The following SPATA20 variants were observed in gnomAD, a reference collection of about 807,000 sequenced individuals.
The protein encoded by SPATA20 is spermatogenesis-associated protein 20.
SPATA20 carries 74 observed loss-of-function variants against 98.9 expected under a neutral mutation model. The observed-to-expected ratio is 0.75, with a 90% CI of 0.62 to 0.91. The LOEUF is 0.91. Ranked by LOEUF, SPATA20 falls within the 40% of genes least tolerant of loss-of-function variation. The pLI, the probability that SPATA20 is intolerant of heterozygous loss-of-function variation, is 0.00. For synonymous variants in SPATA20, 430 were observed against 440.5 expected, an observed-to-expected ratio of 0.98 and a Z score of 0.30; for missense variants, 1,016 against 1,069.8, an observed-to-expected ratio of 0.95 and a Z score of 0.70.
intron 14 of SPATA20, among the ~76,000 whole-genome samples, chr17:50,553,149 C>G: frequency 6.6e-6 from 1 of 152,246 alleles, no homozygotes; most frequent in Non-Finnish European, 1.5e-5. Flanking sequence ...ACCCATGTGC[C>G]TTGTCTGTGG....
chr17:50,548,224 G>T, intron 2 of SPATA20, 59 bp from the exon 3 acceptor site: 1 of 1,583,296 alleles, frequency 6.3e-7, no homozygotes, highest in Non-Finnish European at 8.6e-7. Context: ...AGGTGCTGGG[G>T]GGCCTGGGAG....
rs751070332 is a variant in SPATA20 at position 50,547,827 on chromosome 17, C to T, written c.125+60C>T. ...TTCCTCTGTTTGTCCCTCACCTGGT[C>T]GAGTCCCAGACCCTACTGATCTTGG... On this transcript the variant is annotated intron_variant, in intron 2 of 16. Transcript: ENST00000006658. 3.5e-6 allele frequency: 3 copies of T among 854,864 alleles called. No individual in the cohort carries two copies. In the East Asian group the frequency reaches 7.2e-5, roughly 21 times the overall value. 53.0% of individuals were successfully genotyped at this position (854,864 alleles called of 1,614,324 possible).
Position 50,550,422 on chromosome 17 carries a change from T to C in SPATA20, c.1098+110T>C, listed in dbSNP as rs184909241. 2.9e-4 allele frequency: 391 copies of C among 1,363,746 alleles called. 10 individuals carry two copies. In the East Asian group the frequency reaches 6.0e-3, roughly 21 times the overall value. The allele number at this position is 1,363,746 out of a possible 1,614,324, so 84.5% of individuals were successfully genotyped here. ...AATCTGAATCCCCTGTTCCCTCCCA[T>C]GTACCCACTACCCAGGCTTCCCTCC... On this transcript the variant is annotated intron_variant, in intron 9 of 16. Coordinates refer to ENST00000006658, the MANE Select transcript of SPATA20 (RefSeq NM_022827.4).
At chr17:50,547,353 C>A in intron 1 of SPATA20, 68 bp downstream of exon 1, 2 of 1,303,722 alleles carry the variant, frequency 1.5e-6, no homozygotes, top group Non-Finnish European at 1.0e-6. Context: ...GGAGGGTCTT[C>A]CGGACACCGG....
Position 50,551,551 on chromosome 17 carries a change from G to T in SPATA20, c.1617G>T (p.Leu539=). The change falls in exon 13 of 17, where the codon CTG becomes CTT. Residue 539 remains leucine, a synonymous_variant. Coordinates refer to ENST00000006658, the MANE Select transcript of SPATA20 (RefSeq NM_022827.4). The stretch of plus-strand genomic sequence containing the variant: ...GCTATGCTGTGACTGGGGCTGTCCT[G>T]GGCCAAGACAGGCTGATCAACTATG... The part of the protein sequence containing the change: ...VSGYAVTGAV[L]GQDRLINYAT... The T allele has an allele frequency of 6.2e-7, 1 of 1,604,014 alleles. No individual in the cohort carries two copies. Among genetic ancestry groups the T allele is most frequent in the Non-Finnish European group, 8.5e-7 (1 of 1,171,622 alleles).
chr17:50,555,593 G>T lies in SPATA20; in HGVS notation c.2340G>T (p.Val780=), dbSNP rs1567913021. 1.2e-6 allele frequency: 2 copies of T among 1,614,116 alleles called. No homozygotes were observed. The highest frequency in any genetic ancestry group is 1.7e-6 in the Non-Finnish European group (2 of 1,179,992). ...TGGAAGACCAGGCCACTGCATATGT[G>T]TGTGAGAATCAAGCCTGCTCAGTGC... The part of the protein sequence containing the change: ...RRLEDQATAY[V]CENQACSVPI... The change falls in exon 17 of 17, where the codon GTG becomes GTT. Residue 780 remains valine, a synonymous_variant. Coordinates refer to ENST00000006658, the MANE Select transcript of SPATA20 (RefSeq NM_022827.4).
rs780703307 is a variant in SPATA20 at position 50,549,350 on chromosome 17, G to A, written c.725G>A (p.Arg242Gln). 24 of 1,612,372 alleles carry A rather than the reference G, an allele frequency of 1.5e-5. No homozygotes were observed. Among genetic ancestry groups the A allele is most frequent in the Admixed American group, 1.7e-5 (1 of 60,004 alleles). The change falls in exon 7 of 17, where the codon CGA (arginine) becomes CAA (glutamine). Residue 242 changes from arginine to glutamine, a missense_variant. By Grantham distance (43) the Arg-to-Gln change is conservative. Transcript: ENST00000006658. ...CGTGTCACCACTGCCCTGCTGGCCCGATCAGAGATCAGCGTGGGTGACCGC... is the reference window on the plus strand; with the variant it reads ...CGTGTCACCACTGCCCTGCTGGCCCAATCAGAGATCAGCGTGGGTGACCGC... ...SQRVTTALLA[R>Q]SEISVGDRQL...
Position 50,552,099 on chromosome 17 carries a change from C to T in SPATA20, c.1876C>T (p.Leu626Phe). The change falls in exon 14 of 17, where the codon CTC (leucine) becomes TTC (phenylalanine). Residue 626 changes from leucine (L) to phenylalanine (F), a missense_variant. Transcript: ENST00000006658. ...ALRLQDTQDK[L>F]FWDSQGGGYF... ...GCGGCTGCAGGACACACAGGACAAG[C>T]TCTTTTGGGACTCCCAGGGTGGCGG... 2 of 1,613,784 alleles carry T rather than the reference C, an allele frequency of 1.2e-6. No homozygotes were observed. The highest frequency in any genetic ancestry group is 1.7e-6 in the Non-Finnish European group (2 of 1,179,992).
chr17:50,549,477 TCCCACGCCGGGTCAGTGC>T lies in SPATA20; in HGVS notation c.861_862+16del, dbSNP rs769264453. On this transcript the variant is annotated splice_donor_variant and splice_donor_5th_base_variant and coding_sequence_variant and intron_variant, in exon 7 of 17. Coordinates refer to ENST00000006658, the MANE Select transcript of SPATA20 (RefSeq NM_022827.4). LOFTEE classifies it high-confidence loss of function. Reference sequence around the variant, plus strand: ...GTGGCTTCGCTGAGGCCCCCAAGTTTCCCACGCCGGGTCAGTGCCCCACGCCCGCCTTAGCCCAGGCTT... The same window carrying T: ...GTGGCTTCGCTGAGGCCCCCAAGTTTCCCACGCCCGCCTTAGCCCAGGCTT... The T allele has an allele frequency of 2.5e-6, 4 of 1,611,720 alleles. No homozygotes were observed. The highest frequency in any genetic ancestry group is 2.5e-6 in the Non-Finnish European group (3 of 1,179,806).
chr17:50,552,237 T>G, intron 14 of SPATA20, 57 bp downstream of exon 14: 1 of 1,494,646 alleles, frequency 6.7e-7, no homozygotes, highest in Middle Eastern at 1.8e-4. Context: ...GCAGCGTGGG[T>G]GAAGAGCTGG....
chr17:50,550,586 C>G lies in SPATA20; in HGVS notation c.1149C>G (p.Tyr383Ter). The G allele has an allele frequency of 6.2e-7, 1 of 1,614,148 alleles. No homozygotes were observed. The change falls in exon 10 of 17, where the codon TAC (tyrosine) becomes TAG (stop). Residue 383 changes from tyrosine (Y) to a stop codon, truncating the protein, a stop_gained. Transcript: ENST00000006658. LOFTEE classifies it high-confidence loss of function. ...YSDVAKGILQ[Y>*]VARSLSHRSG... is the part of the protein sequence containing the mutation. ...ACGTGGCCAAAGGCATCCTGCAGTA[C>G]GTGGCTCGGAGCCTGAGCCACCGGG...
In SPATA20 at chr17:50,550,048, C is replaced by T; in HGVS notation, c.926C>T (p.Ala309Val). 6.2e-7 allele frequency: 1 copy of T among 1,603,238 alleles called. No homozygotes were observed. Among genetic ancestry groups the T allele is most frequent in the Non-Finnish European group, 8.5e-7 (1 of 1,172,362 alleles). The part of the protein sequence containing the change: ...SHRLTQDGSR[A>V]QQMALHTLKM... ...CGACTGACTCAGGATGGCTCTCGGG[C>T]CCAGCAGATGGCCTTGCATACCCTG... The change falls in exon 8 of 17, where the codon GCC (alanine) becomes GTC (valine). Residue 309 changes from alanine (A) to valine (V), a missense_variant. By Grantham distance (64) the Ala-to-Val change is moderately conservative. Transcript: ENST00000006658.
At chr17:50,553,937 A>T (rs1033305922) in intron 14 of SPATA20, among the ~76,000 whole-genome samples, 1 of 152,058 alleles carries the variant, frequency 6.6e-6, no homozygotes, top group African/African-American at 2.4e-5. Flanking sequence ...AGGGAGAGGG[A>T]GAGGAAGGGG....
rs1246288504 is a variant in SPATA20, at chr17:50,550,562, C to T, written c.1125C>T (p.Asp375=). Residue 375 remains aspartate, a synonymous_variant, in exon 10 of 17, where the codon GAC becomes GAT. Transcript: ENST00000006658. ...TCTCTGGTGATGAATTCTACTCTGA[C>T]GTGGCCAAAGGCATCCTGCAGTACG... The part of the protein sequence containing the change: ...FQLSGDEFYS[D]VAKGILQYVA... 49 of 1,614,144 alleles carry T rather than the reference C, an allele frequency of 3.0e-5. No individual in the cohort carries two copies. The highest frequency in any genetic ancestry group is 4.2e-5 in the Non-Finnish European group (49 of 1,180,014).
At chr17:50,551,878 T>G in intron 13 of SPATA20, 91 bp from the exon 14 acceptor site, 1 of 1,303,358 alleles carries the variant, frequency 7.7e-7, no homozygotes, top group Admixed American at 2.2e-5. Context: ...TCTGGAGGGT[T>G]AAGTGAACAA....
intron 13 of SPATA20, 108 bp from the exon 14 acceptor site, chr17:50,551,861 G>A: frequency 8.1e-7 from 1 of 1,234,452 alleles, no homozygotes; most frequent in South Asian, 1.5e-5. Flanking sequence ...CTGCCCAAGA[G>A]GGTTCATCTG....
intron 15 of SPATA20, among the ~76,000 whole-genome samples, chr17:50,554,885 C>CTG (rs3062812): frequency 0.097 from 13,738 of 140,964 alleles, 791 homozygotes; most frequent in South Asian, 0.16. Flanking sequence ...TGGGCATCTA[C>CTG]TGTGTGTGTG....
rs373110934 is a variant in SPATA20 at position 50,550,743 on chromosome 17, G to A, written c.1209G>A (p.Ser403=). The A allele has an allele frequency of 3.2e-5, 52 of 1,613,040 alleles. No individual in the cohort carries two copies. In the East Asian group the frequency reaches 8.2e-4, roughly 26 times the overall value. ...TCTATAGCGCAGAAGATGCAGACTC[G>A]CCCCCAGAGCGGGGCCAGCGGCCCA... is the stretch of plus-strand genomic sequence containing the variant. The part of the protein sequence containing the change: ...GGFYSAEDAD[S]PPERGQRPKE... The change falls in exon 11 of 17, where the codon TCG becomes TCA. Residue 403 remains serine, a synonymous_variant. Coordinates refer to ENST00000006658, the MANE Select transcript of SPATA20 (RefSeq NM_022827.4).
At position 50,550,781 on chromosome 17, in the gene SPATA20, A is replaced by G. The variant is rs990491947; in HGVS notation, c.1247A>G (p.Tyr416Cys). 1 of 1,613,098 alleles carries G rather than the reference A, an allele frequency of 6.2e-7. No homozygotes were observed. The highest frequency in any genetic ancestry group is 8.5e-7 in the Non-Finnish European group (1 of 1,180,018). Reference protein sequence around the residue: ...ERGQRPKEGAYYVWTVKEVQQ... With the variant: ...ERGQRPKEGACYVWTVKEVQQ... The stretch of plus-strand genomic sequence containing the variant: ...GGCCAGCGGCCCAAAGAGGGCGCCT[A>G]CTATGTGTGGACGGTCAAAGAGGTT... The change falls in exon 11 of 17, where the codon TAC becomes TGC. Residue 416 changes from tyrosine to cysteine, a missense_variant. Tyr to Cys is a radical substitution (Grantham distance 194, BLOSUM62 -2). Coordinates refer to ENST00000006658, the MANE Select transcript of SPATA20 (RefSeq NM_022827.4).
Sources: allele counts gnomAD v4.1 joint callset (sites outside exome capture counted in the v4.1 genomes callset), GRCh38; gene constraint gnomAD v4.1.1; transcripts MANE v1.5; gene names NCBI Gene and HGNC (gene_info 2026-07-23, HGNC 2026-07-21).